Variants in TIAM2 observed in about 807,000 individuals in gnomAD.
The protein encoded by TIAM2 is TIAM Rac1 associated GEF 2.
A neutral mutation model predicts 152.9 loss-of-function variants in TIAM2; 80 were observed. That is an observed-to-expected ratio of 0.52 (90% CI 0.44 to 0.63). The LOEUF (loss-of-function observed/expected upper bound fraction) is 0.63. TIAM2 is among the 30% of genes least tolerant of loss of function. The pLI, the probability that TIAM2 is intolerant of heterozygous loss-of-function variation, is 0.00. For missense variants in TIAM2, 1,965 were observed against 2,120.1 expected (o/e 0.93, Z 1.44); for synonymous variants, 804 against 838.0 (o/e 0.96, Z 0.70).
chr6:155,066,131 C>T (rs542175219), intron 1 of TIAM2, among the ~76,000 whole-genome samples: 11 of 152,300 alleles, frequency 7.2e-5, no homozygotes, highest in Non-Finnish European at 1.0e-4. Context: ...TCCACTGAGA[C>T]GGCCGCTCTT....
intron 6 of TIAM2, among the ~76,000 whole-genome samples, chr6:155,147,357 C>T (rs1023934229): frequency 2.6e-5 from 4 of 151,874 alleles, no homozygotes; most frequent in East Asian, 1.9e-4. Context: ...CCCAGGCTGG[C>T]GTGCAGTGGC....
intron 2 of TIAM2, among the ~76,000 whole-genome samples, chr6:155,108,625 G>C (rs1778755404): frequency 6.6e-6 from 1 of 152,152 alleles, no homozygotes; most frequent in South Asian, 2.1e-4. Context: ...CCTCTCATTA[G>C]ATCAGGCCTG....
chr6:155,118,747 T>C (rs551722790), intron 2 of TIAM2, among the ~76,000 whole-genome samples: 134 of 152,200 alleles, frequency 8.8e-4, no homozygotes, highest in African/African-American at 3.1e-3. Flanking sequence ...CTCTTTCCTT[T>C]CTTCATCTAA....
At chr6:155,007,610 A>G (rs539532484) in intron 1 of TIAM2, among the ~76,000 whole-genome samples, 1 of 152,336 alleles carries the variant, frequency 6.6e-6, no homozygotes, top group African/African-American at 2.4e-5. Context: ...ACTTAAAAAC[A>G]TCATTTTGTA....
chr6:155,008,289 G>A (rs1238284288), intron 1 of TIAM2, among the ~76,000 whole-genome samples: 1 of 152,336 alleles, frequency 6.6e-6, no homozygotes, highest in African/African-American at 2.4e-5. Context: ...ATGACACTGA[G>A]ATGTGGCTTA....
chr6:155,201,912 A>G (rs1781479642), intron 14 of TIAM2, among the ~76,000 whole-genome samples: 1 of 152,208 alleles, frequency 6.6e-6, no homozygotes. Flanking sequence ...GGTTAAATGG[A>G]CTTGGAAGAT....
At chr6:155,176,210 A>C (rs1228556836) in intron 9 of TIAM2, among the ~76,000 whole-genome samples, 6 of 152,122 alleles carry the variant, frequency 3.9e-5, no homozygotes, top group Non-Finnish European at 7.4e-5. Context: ...GTGGATACTC[A>C]GCAGCCCTTA....
At chr6:155,025,919 GTGT>G (rs1776593892) in intron 1 of TIAM2, among the ~76,000 whole-genome samples, 1 of 151,436 alleles carries the variant, frequency 6.6e-6, no homozygotes, top group East Asian at 1.9e-4. Flanking sequence ...CTTCGGAAAG[GTGT>G]TGTTGAGCAG....
intron 15 of TIAM2, among the ~76,000 whole-genome samples, chr6:155,217,694 C>T (rs1004798947): frequency 3.3e-5 from 5 of 152,040 alleles, no homozygotes; most frequent in Non-Finnish European, 7.4e-5. Flanking sequence ...TTATTTTTGC[C>T]GTTTGTAGGC....
chr6:155,177,101 A>G (rs1780778063), intron 10 of TIAM2, 124 bp downstream of exon 10: 5 of 851,016 alleles, frequency 5.9e-6, no homozygotes, highest in South Asian at 3.8e-5. Context: ...ACATATTAGC[A>G]TATTTATTAG....
intron 17 of TIAM2, 152 bp from the exon 18 acceptor site, chr6:155,244,506 C>T: frequency 1.1e-5 from 10 of 891,372 alleles, no homozygotes; most frequent in Non-Finnish European, 1.7e-5. Flanking sequence ...AGCCATATCC[C>T]ATAATGAATG....
intron 1 of TIAM2, among the ~76,000 whole-genome samples, chr6:155,083,683 C>G (rs1778119561): frequency 6.6e-6 from 1 of 152,136 alleles, no homozygotes; most frequent in African/African-American, 2.4e-5. Context: ...AGTCACTTTG[C>G]CTGGTGAGTT....
chr6:155,119,483 G>A (rs1446124896), intron 2 of TIAM2, among the ~76,000 whole-genome samples: 2 of 152,012 alleles, frequency 1.3e-5, no homozygotes, highest in African/African-American at 4.8e-5. Context: ...GGGATTACAG[G>A]CATGAGCCAC....
chr6:155,096,684 T>C (rs920415906), intron 2 of TIAM2, among the ~76,000 whole-genome samples: 1 of 152,198 alleles, frequency 6.6e-6, no homozygotes, highest in African/African-American at 2.4e-5. Context: ...ATGACAGGAT[T>C]TCATTCTTTT....
intron 15 of TIAM2, among the ~76,000 whole-genome samples, chr6:155,234,322 T>C (rs1465284138): frequency 2.0e-5 from 3 of 152,216 alleles, no homozygotes; most frequent in Non-Finnish European, 2.9e-5. Flanking sequence ...CTTTTAGAGA[T>C]AGAGCCTCAC....
chr6:155,047,838 G>A (rs972110614), intron 1 of TIAM2, among the ~76,000 whole-genome samples: 5 of 152,112 alleles, frequency 3.3e-5, no homozygotes, highest in Admixed American at 6.6e-5. Context: ...GAACAAATAG[G>A]AGGACCTTGC....
Position 155,129,260 on chromosome 6 carries a change from T to C in TIAM2, c.37T>C (p.Ser13Pro), listed in dbSNP as rs562009542. ...CGACAGTCAGTACACCCTTCAAGGA[T>C]CTAAAAATCATAGCAATACTATTAC... ...NSDSQYTLQG[S>P]KNHSNTITGA... The change falls in exon 4 of 27, where the codon TCT (serine) becomes CCT (proline). Residue 13 changes from serine (S) to proline (P), a missense_variant. Physicochemically the swap from Ser to Pro is moderately conservative, Grantham distance 74. Coordinates refer to ENST00000682666, the MANE Select transcript of TIAM2 (RefSeq NM_012454.4). This position sits in a 1 kb window ranked among gnomAD's most constrained non-coding sequence, Gnocchi z 4.8. 8 of 1,614,162 alleles carry C rather than the reference T, an allele frequency of 5.0e-6. No individual in the cohort carries two copies. In the East Asian group the frequency reaches 1.6e-4, roughly 31 times the overall value.
In TIAM2 at chr6:155,218,076, T is replaced by C. The variant is rs1373259859; in HGVS notation, c.3168+6769T>C. Among the ~76,000 whole-genome samples, 1 of 152,244 alleles carries C rather than the reference T, an allele frequency of 6.6e-6. No homozygotes were observed. Among genetic ancestry groups the C allele is most frequent in the Non-Finnish European group, 1.5e-5 (1 of 68,038 alleles). ...TTTTCGTCTTCCTTTGGTGTATACT[T>C]GCCTGCATTATTGCAAGATCTTTTT... On this transcript the variant is annotated intron_variant, in intron 15 of 26. Coordinates refer to ENST00000682666, the MANE Select transcript of TIAM2 (RefSeq NM_012454.4). This position sits in a 1 kb window ranked among gnomAD's most constrained non-coding sequence, Gnocchi z 4.5.
intron 9 of TIAM2, among the ~76,000 whole-genome samples, chr6:155,173,942 G>A (rs576647017): frequency 6.6e-6 from 1 of 152,294 alleles, no homozygotes; most frequent in South Asian, 2.1e-4. Context: ...TTGTAAGGAC[G>A]GTACAGCAGA....
Sources: gnomAD v4.1 joint callset for allele counts (sites outside exome capture counted in the v4.1 genomes callset) on GRCh38, gnomAD v4.1.1 for gene constraint, Gnocchi (gnomAD v3.1) non-coding constraint, MANE v1.5 for transcripts, NCBI Gene and HGNC (gene_info 2026-07-23, HGNC 2026-07-21) for gene names.